The following FTMT variants were observed in gnomAD, a reference collection of about 807,000 sequenced individuals.
FTMT encodes ferritin mitochondrial, also known as ferritin, mitochondrial.
Under a neutral mutation model 4.9 loss-of-function variants are expected in FTMT, and 5 were observed. The observed-to-expected ratio is 1.03, with a 90% CI of 0.54 to 2.16. The LOEUF (loss-of-function observed/expected upper bound fraction) is 2.16. Among genes scored for constraint, FTMT ranks in the 30% most tolerant of loss-of-function variants. FTMT has a pLI of 0.01. For missense variants in FTMT, 393 were observed against 323.0 expected, an observed-to-expected ratio of 1.22 and a Z score of -1.66; for synonymous variants, 174 against 143.6, an observed-to-expected ratio of 1.21 and a Z score of -1.51.
In FTMT at chr5:121,852,284, C is replaced by A; in HGVS notation, c.321C>A (p.Ala107=). Residue 107 remains alanine (A), a synonymous_variant, in exon 1 of 1, where the codon GCC becomes GCA. Coordinates refer to ENST00000321339, the MANE Select transcript of FTMT (RefSeq NM_177478.2). ...MAYYFSRDDV[A]LNNFSRYFLH... ...ATTACTTCTCCCGGGATGACGTGGC[C>A]TTGAACAACTTCTCCAGGTATTTCC... 2.5e-6 allele frequency: 4 copies of A among 1,614,166 alleles called. No individual in the cohort carries two copies. The highest frequency in any genetic ancestry group is 3.4e-6 in the Non-Finnish European group (4 of 1,180,038).
In FTMT at chr5:121,852,016, C is replaced by G; in HGVS notation, c.53C>G (p.Ser18Cys). 6.3e-7 allele frequency: 1 copy of G among 1,594,446 alleles called. No individual in the cohort carries two copies. Among genetic ancestry groups the G allele is most frequent in the Non-Finnish European group, 8.5e-7 (1 of 1,176,026 alleles). Residue 18 changes from serine (S) to cysteine (C), a missense_variant, in exon 1 of 1, where the codon TCT (serine) becomes TGT (cysteine). By Grantham distance (112) the Ser-to-Cys change is moderately radical. Transcript: ENST00000321339. ...AGGCACATCAGCCCTTCGCTGGCGT[C>G]TCTGCGCCCGGTGCGCTGCTGCTTC... ...LSRHISPSLA[S>C]LRPVRCCFAL...
At position 121,852,573 on chromosome 5, in the gene FTMT, T is replaced by C; in HGVS notation, c.610T>C (p.Ser204Pro). ...ETYYLNEQVK[S>P]IKELGDHVHN... Reference sequence around the variant, plus strand: ...CTACTACCTGAATGAGCAGGTGAAGTCTATCAAAGAACTAGGTGACCACGT... The same window carrying C: ...CTACTACCTGAATGAGCAGGTGAAGCCTATCAAAGAACTAGGTGACCACGT... Residue 204 changes from serine to proline, a missense_variant, in exon 1 of 1, where the codon TCT (serine) becomes CCT (proline). Physicochemically the swap from Ser to Pro is moderately conservative, Grantham distance 74. Coordinates refer to ENST00000321339, the MANE Select transcript of FTMT (RefSeq NM_177478.2). 1 of 1,614,050 alleles carries C rather than the reference T, an allele frequency of 6.2e-7. No homozygotes were observed. Among genetic ancestry groups the C allele is most frequent in the Non-Finnish European group, 8.5e-7 (1 of 1,180,004 alleles).
In FTMT at chr5:121,852,632, T is replaced by C. The variant is rs1329006497; in HGVS notation, c.669T>C (p.Ala223=). 3 of 1,613,970 alleles carry C rather than the reference T, an allele frequency of 1.9e-6. No homozygotes were observed. Among genetic ancestry groups the C allele is most frequent in the Non-Finnish European group, 2.5e-6 (3 of 1,180,034 alleles). The change falls in exon 1 of 1, where the codon GCT becomes GCC. Residue 223 remains alanine, a synonymous_variant. Transcript: ENST00000321339. The part of the protein sequence containing the change: ...HNLVKMGAPD[A]GLAEYLFDTH... Reference sequence around the variant, plus strand: ...TAGTGAAGATGGGGGCCCCGGATGCTGGCCTGGCGGAGTACCTTTTTGACA... The same window carrying C: ...TAGTGAAGATGGGGGCCCCGGATGCCGGCCTGGCGGAGTACCTTTTTGACA...
At position 121,851,917 on chromosome 5, in the gene FTMT, C is replaced by A; in HGVS notation, c.-47C>A. ...GACGCCTCCAGCGCCCGACCCCACG[C>A]CAAGAGGGCCGGGCCTCAGTTTCCC... On this transcript the variant is annotated 5_prime_UTR_variant, in exon 1 of 1. Coordinates refer to ENST00000321339, the MANE Select transcript of FTMT (RefSeq NM_177478.2). 6.5e-7 allele frequency: 1 copy of A among 1,527,782 alleles called. No individual in the cohort carries two copies. 94.6% of individuals were successfully genotyped at this position (1,527,782 alleles called of 1,614,324 possible).
At position 121,851,952 on chromosome 5, in the gene FTMT, G is replaced by A. The variant is rs1413246403; in HGVS notation, c.-12G>A. 6.4e-7 allele frequency: 1 copy of A among 1,572,118 alleles called. No homozygotes were observed. Among genetic ancestry groups the A allele is most frequent in the African/African-American group, 1.4e-5 (1 of 71,548 alleles). ...CGGGCCTCAGTTTCCCCACTTCCAA[G>A]GAGGCGGCGCTATGCTGTCCTGCTT... On this transcript the variant is annotated 5_prime_UTR_variant, in exon 1 of 1. Transcript: ENST00000321339.
At position 121,852,593 on chromosome 5, in the gene FTMT, C is replaced by A. The variant is rs375551429; in HGVS notation, c.630C>A (p.Asp210Glu). The A allele has an allele frequency of 5.6e-6, 9 of 1,614,088 alleles. No homozygotes were observed. Among genetic ancestry groups the A allele is most frequent in the Non-Finnish European group, 6.8e-6 (8 of 1,180,022 alleles). ...TGAAGTCTATCAAAGAACTAGGTGA[C>A]CACGTGCACAACTTAGTGAAGATGG... ...EQVKSIKELGDHVHNLVKMGA... is the reference protein window; with the variant it reads ...EQVKSIKELGEHVHNLVKMGA... The change falls in exon 1 of 1, where the codon GAC (aspartate) becomes GAA (glutamate). Residue 210 changes from aspartate (D) to glutamate (E), a missense_variant. Asp to Glu is a conservative substitution (Grantham distance 45). Transcript: ENST00000321339.
Position 121,851,901 on chromosome 5 carries a change from A to C in FTMT, c.-63A>C. 1.3e-6 allele frequency: 2 copies of C among 1,499,366 alleles called. No individual in the cohort carries two copies. The highest frequency in any genetic ancestry group is 1.3e-5 in the South Asian group (1 of 78,104). 92.9% of individuals were successfully genotyped at this position (1,499,366 alleles called of 1,614,324 possible). A position where few individuals can be genotyped will look rare whatever the true frequency, so the allele number is the denominator to read the frequency against. On this transcript the variant is annotated 5_prime_UTR_variant, in exon 1 of 1. Coordinates refer to ENST00000321339, the MANE Select transcript of FTMT (RefSeq NM_177478.2). Reference sequence around the variant, plus strand: ...CGTTCTGATCAGATCTGACGCCTCCAGCGCCCGACCCCACGCCAAGAGGGC... The same window carrying C: ...CGTTCTGATCAGATCTGACGCCTCCCGCGCCCGACCCCACGCCAAGAGGGC...
In FTMT at chr5:121,852,662, T is replaced by C. The variant is rs2112734372; in HGVS notation, c.699T>C (p.His233=). ...TGGCGGAGTACCTTTTTGACACACATACCCTTGGAAATGAAAACAAGCAGA... is the reference window on the plus strand; with the variant it reads ...TGGCGGAGTACCTTTTTGACACACACACCCTTGGAAATGAAAACAAGCAGA... The part of the protein sequence containing the change: ...AGLAEYLFDT[H]TLGNENKQN Residue 233 remains histidine (H), a synonymous_variant, in exon 1 of 1, where the codon CAT becomes CAC. Transcript: ENST00000321339. 9 of 1,613,758 alleles carry C rather than the reference T, an allele frequency of 5.6e-6. No homozygotes were observed. The highest frequency in any genetic ancestry group is 7.6e-6 in the Non-Finnish European group (9 of 1,179,906).
Position 121,852,530 on chromosome 5 carries a change from G to T in FTMT, c.567G>T (p.Leu189Phe). Residue 189 changes from leucine (L) to phenylalanine (F), a missense_variant, in exon 1 of 1, where the codon TTG (leucine) becomes TTT (phenylalanine). Physicochemically the swap from Leu to Phe is conservative, Grantham distance 22 (BLOSUM62 0). Coordinates refer to ENST00000321339, the MANE Select transcript of FTMT (RefSeq NM_177478.2). ...CCTCAGATAAAGGTGACCCCCATTT[G>T]TGCGATTTCCTGGAAACCTACTACC... ...ALASDKGDPH[L>F]CDFLETYYLN... 1 of 1,614,156 alleles carries T rather than the reference G, an allele frequency of 6.2e-7. No individual in the cohort carries two copies. Among genetic ancestry groups the T allele is most frequent in the Non-Finnish European group, 8.5e-7 (1 of 1,180,028 alleles).
chr5:121,852,791 T>G lies in FTMT; in HGVS notation c.*99T>G. ...AAAATCACCTCCATCTTTATATTCTTCTGTTATACTATTCCTCCAATAAAG... is the reference window on the plus strand; with the variant it reads ...AAAATCACCTCCATCTTTATATTCTGCTGTTATACTATTCCTCCAATAAAG... On this transcript the variant is annotated 3_prime_UTR_variant, in exon 1 of 1. Transcript: ENST00000321339. 1 of 1,328,328 alleles carries G rather than the reference T, an allele frequency of 7.5e-7. No homozygotes were observed. Among genetic ancestry groups the G allele is most frequent in the Non-Finnish European group, 1.0e-6 (1 of 964,034 alleles). The allele number at this position is 1,328,328 out of a possible 1,614,324, so 82.3% of individuals were successfully genotyped here.
rs1390231483 is a variant in FTMT, at chr5:121,852,164, G to T, written c.201G>T (p.Arg67=). 3 of 1,611,768 alleles carry T rather than the reference G, an allele frequency of 1.9e-6. No individual in the cohort carries two copies. Among genetic ancestry groups the T allele is most frequent in the East Asian group, 2.2e-5 (1 of 44,874 alleles). ...CCGGGCCCGCCGCCGGCCCCTCTCG[G>T]GTGCGCCAGAACTTCCACCCCGACT... The part of the protein sequence containing the change: ...DPTGPAAGPS[R]VRQNFHPDSE... Residue 67 remains arginine (R), a synonymous_variant, in exon 1 of 1, where the codon CGG becomes CGT. Transcript: ENST00000321339.
At position 121,852,746 on chromosome 5, in the gene FTMT, T is replaced by C; in HGVS notation, c.*54T>C. The C allele has an allele frequency of 6.5e-7, 1 of 1,546,804 alleles. No individual in the cohort carries two copies. Among genetic ancestry groups the C allele is most frequent in the South Asian group, 1.3e-5 (1 of 79,814 alleles). On this transcript the variant is annotated 3_prime_UTR_variant, in exon 1 of 1. Coordinates refer to ENST00000321339, the MANE Select transcript of FTMT (RefSeq NM_177478.2). ...TGGATCCAAAGACCAAAGTCAGCTGTCTCCTGCTTTCTTGCCCTTAAAATC... is the reference window on the plus strand; with the variant it reads ...TGGATCCAAAGACCAAAGTCAGCTGCCTCCTGCTTTCTTGCCCTTAAAATC...
chr5:121,851,940 C>T lies in FTMT; in HGVS notation c.-24C>T, dbSNP rs779505034. ...CGCCAAGAGGGCCGGGCCTCAGTTT[C>T]CCCACTTCCAAGGAGGCGGCGCTAT... is the stretch of plus-strand genomic sequence containing the variant. On this transcript the variant is annotated 5_prime_UTR_variant, in exon 1 of 1. Coordinates refer to ENST00000321339, the MANE Select transcript of FTMT (RefSeq NM_177478.2). 1.3e-6 allele frequency: 2 copies of T among 1,564,374 alleles called. No homozygotes were observed. The highest frequency in any genetic ancestry group is 1.7e-6 in the Non-Finnish European group (2 of 1,164,142).
rs1417321454 is a variant in FTMT at position 121,852,554 on chromosome 5, C to T, written c.591C>T (p.Tyr197=). The T allele has an allele frequency of 1.2e-6, 2 of 1,614,134 alleles. No homozygotes were observed. Among genetic ancestry groups the T allele is most frequent in the Non-Finnish European group, 1.7e-6 (2 of 1,180,022 alleles). Residue 197 remains tyrosine (Y), a synonymous_variant, in exon 1 of 1, where the codon TAC becomes TAT. Transcript: ENST00000321339. ...PHLCDFLETY[Y]LNEQVKSIKE... ...TGTGCGATTTCCTGGAAACCTACTA[C>T]CTGAATGAGCAGGTGAAGTCTATCA... is the stretch of plus-strand genomic sequence containing the variant.
At position 121,852,287 on chromosome 5, in the gene FTMT, G is replaced by T. The variant is rs779758575; in HGVS notation, c.324G>T (p.Leu108Phe). Residue 108 changes from leucine to phenylalanine, a missense_variant, in exon 1 of 1, where the codon TTG (leucine) becomes TTT (phenylalanine). Transcript: ENST00000321339. ...ACTTCTCCCGGGATGACGTGGCCTT[G>T]AACAACTTCTCCAGGTATTTCCTTC... ...AYYFSRDDVA[L>F]NNFSRYFLHQ... 1.2e-6 allele frequency: 2 copies of T among 1,614,160 alleles called. No homozygotes were observed. Among genetic ancestry groups the T allele is most frequent in the Non-Finnish European group, 1.7e-6 (2 of 1,180,030 alleles).
Position 121,852,745 on chromosome 5 carries a change from G to C in FTMT, c.*53G>C. 3.9e-6 allele frequency: 6 copies of C among 1,555,564 alleles called. No individual in the cohort carries two copies. The highest frequency in any genetic ancestry group is 5.2e-6 in the Non-Finnish European group (6 of 1,150,906). On this transcript the variant is annotated 3_prime_UTR_variant, in exon 1 of 1. Transcript: ENST00000321339. The stretch of plus-strand genomic sequence containing the variant: ...GTGGATCCAAAGACCAAAGTCAGCT[G>C]TCTCCTGCTTTCTTGCCCTTAAAAT...
Position 121,852,296 on chromosome 5 carries a change from C to T in FTMT, c.333C>T (p.Phe111=), listed in dbSNP as rs1157700117. 6.2e-7 allele frequency: 1 copy of T among 1,614,074 alleles called. No homozygotes were observed. Among genetic ancestry groups the T allele is most frequent in the Admixed American group, 1.7e-5 (1 of 60,010 alleles). The change falls in exon 1 of 1, where the codon TTC becomes TTT. Residue 111 remains phenylalanine, a synonymous_variant. Coordinates refer to ENST00000321339, the MANE Select transcript of FTMT (RefSeq NM_177478.2). ...FSRDDVALNN[F]SRYFLHQSRE... ...GGGATGACGTGGCCTTGAACAACTT[C>T]TCCAGGTATTTCCTTCACCAGTCCC...
At position 121,852,053 on chromosome 5, in the gene FTMT, G is replaced by T. The variant is rs1248789562; in HGVS notation, c.90G>T (p.Leu30=). 2 of 1,593,250 alleles carry T rather than the reference G, an allele frequency of 1.3e-6. No individual in the cohort carries two copies. Among genetic ancestry groups the T allele is most frequent in the Non-Finnish European group, 1.7e-6 (2 of 1,175,570 alleles). Residue 30 remains leucine (L), a synonymous_variant, in exon 1 of 1, where the codon CTG becomes CTT. Transcript: ENST00000321339. ...TGCGCTGCTGCTTCGCGCTCCCGCT[G>T]CGTTGGGCCCCGGGGCGCCCCTTGG... ...RPVRCCFALP[L]RWAPGRPLDP... is the part of the protein sequence containing the mutation.
In FTMT at chr5:121,852,014, G is replaced by A. The variant is rs760563635; in HGVS notation, c.51G>A (p.Ala17=). ...LLSRHISPSL[A]SLRPVRCCFA... ...CCAGGCACATCAGCCCTTCGCTGGC[G>A]TCTCTGCGCCCGGTGCGCTGCTGCT... Residue 17 remains alanine, a synonymous_variant, in exon 1 of 1, where the codon GCG becomes GCA. Coordinates refer to ENST00000321339, the MANE Select transcript of FTMT (RefSeq NM_177478.2). The A allele has an allele frequency of 3.8e-6, 6 of 1,594,164 alleles. No homozygotes were observed. The highest frequency in any genetic ancestry group is 1.4e-5 in the African/African-American group (1 of 73,036).
Sources: gnomAD v4.1 joint callset for allele counts on GRCh38, gnomAD v4.1.1 for gene constraint, MANE v1.5 for transcripts, NCBI Gene and HGNC (gene_info 2026-07-23, HGNC 2026-07-21) for gene names.